CSMD1: variants seen among roughly 807,000 people sequenced by gnomAD.
CSMD1 encodes CUB and sushi domain-containing protein 1.
CSMD1 carries 213 observed loss-of-function variants against 417.5 expected under a neutral mutation model. The observed-to-expected ratio is 0.51, with a 90% CI of 0.46 to 0.57. The LOEUF is 0.57. CSMD1 is among the 20% of genes least tolerant of loss of function. The pLI, the probability that CSMD1 is intolerant of heterozygous loss-of-function variation, is 0.00. For missense variants in CSMD1, 6,923 were observed against 4,529.7 expected (o/e 1.53, Z -15.17); for synonymous variants, 2,862 against 1,736.8 (o/e 1.65, Z -16.11).
intron 3 of CSMD1, among the ~76,000 whole-genome samples, chr8:4,345,854 T>C (rs1800748920): frequency 6.6e-6 from 1 of 152,174 alleles, no homozygotes; most frequent in African/African-American, 2.4e-5. Flanking sequence ...TGGAGTGTTC[T>C]GAGGTTACAT....
chr8:4,521,778 C>T (rs1011745631), intron 2 of CSMD1, among the ~76,000 whole-genome samples: 1 of 152,098 alleles, frequency 6.6e-6, no homozygotes, highest in South Asian at 2.1e-4. Flanking sequence ...TCACTGGATA[C>T]TTAAGTGTGA....
chr8:3,323,166 G>T (rs563805084), intron 23 of CSMD1, among the ~76,000 whole-genome samples: 1 of 151,950 alleles, frequency 6.6e-6, no homozygotes, highest in South Asian at 2.1e-4. Flanking sequence ...ATGTCCAATG[G>T]GCAACTTCTA....
chr8:3,308,423 T>A lies in CSMD1; in HGVS notation c.3712A>T (p.Thr1238Ser). 1 of 1,613,790 alleles carries A rather than the reference T, an allele frequency of 6.2e-7. No individual in the cohort carries two copies. The highest frequency in any genetic ancestry group is 8.5e-7 in the Non-Finnish European group (1 of 1,179,782). Residue 1238 changes from threonine (T) to serine (S), a missense_variant, in exon 24 of 70, where the codon ACT (threonine) becomes TCT (serine). Coordinates refer to ENST00000635120, the MANE Select transcript of CSMD1 (RefSeq NM_033225.6). ...GGGTTGCAACTGTACAGAACTACAG[T>A]GTCGGTAAAGTGGCCTTCATCACGG... ...RIRDEGHFTD[T>S]VVLYSCNPGY...
chr8:4,229,388 C>G (rs1329911448), intron 3 of CSMD1, among the ~76,000 whole-genome samples: 1 of 152,222 alleles, frequency 6.6e-6, no homozygotes, highest in African/African-American at 2.4e-5. Flanking sequence ...CTAAGATTCT[C>G]TTAGATCACA....
chr8:3,507,835 C>T (rs186806756), intron 10 of CSMD1, among the ~76,000 whole-genome samples: 20 of 152,164 alleles, frequency 1.3e-4, no homozygotes, highest in Admixed American at 5.2e-4. Context: ...TATCCTTTGC[C>T]CACTTTTTGA....
At chr8:4,329,205 A>C (rs966958519) in intron 3 of CSMD1, among the ~76,000 whole-genome samples, 19 of 152,314 alleles carry the variant, frequency 1.2e-4, no homozygotes, top group African/African-American at 3.6e-4. Context: ...AGATGTTTCC[A>C]ATACAAATTA....
chr8:3,844,623 G>C (rs1803364988), intron 5 of CSMD1, among the ~76,000 whole-genome samples: 2 of 152,172 alleles, frequency 1.3e-5, no homozygotes, highest in Non-Finnish European at 2.9e-5. Flanking sequence ...CCCATCTGCA[G>C]ATGGAAGGAG....
intron 1 of CSMD1, among the ~76,000 whole-genome samples, chr8:4,771,895 C>T (rs1227704138): frequency 6.6e-6 from 1 of 152,162 alleles, no homozygotes; most frequent in African/African-American, 2.4e-5. Flanking sequence ...TGAAGGGAGC[C>T]TCCAGAATCT....
chr8:3,743,424 T>C (rs556685809), intron 6 of CSMD1, among the ~76,000 whole-genome samples: 3 of 152,338 alleles, frequency 2.0e-5, no homozygotes, highest in South Asian at 2.1e-4. Flanking sequence ...AGGATGGTGT[T>C]AGAAAATAAT....
chr8:4,910,339 A>C (rs1805578038), intron 1 of CSMD1, among the ~76,000 whole-genome samples: 1 of 152,200 alleles, frequency 6.6e-6, no homozygotes, highest in South Asian at 2.1e-4. Context: ...TTGATGATGT[A>C]TCTTAGTCAA....
intron 1 of CSMD1, chr8:4,788,606 T>C: frequency 2.9e-6 from 3 of 1,035,986 alleles, no homozygotes; most frequent in Non-Finnish European, 4.2e-6. Context: ...GCCATTGAAA[T>C]TTTTAGGGGA....
chr8:4,642,748 A>G (rs944953073), intron 1 of CSMD1, among the ~76,000 whole-genome samples: 2 of 152,216 alleles, frequency 1.3e-5, no homozygotes, highest in African/African-American at 4.8e-5. Context: ...GCTAGCTGTG[A>G]AAATAATTAC....
chr8:4,453,814 C>CTTTTTTTTTTTT lies in CSMD1; in HGVS notation c.303-33761_303-33750dup, dbSNP rs60422486. On this transcript the variant is annotated intron_variant, in intron 2 of 69. Coordinates refer to ENST00000635120, the MANE Select transcript of CSMD1 (RefSeq NM_033225.6). ...CCGAACAAGATTGCGCAATTCGTTT[C>CTTTTTTTTTTTT]TTTTTTTTTTTTTTTTTTTTTTTTT... 8.9e-5 allele frequency among the ~76,000 whole-genome samples: 6 copies of CTTTTTTTTTTTT among 67,726 alleles called. 1 individual carries two copies. The highest frequency in any genetic ancestry group is 2.5e-4 in the Admixed American group (1 of 4,032). 44.4% of individuals were successfully genotyped at this position (67,726 alleles called of 152,430 possible). A position where few individuals can be genotyped will look rare whatever the true frequency, so the allele number is the denominator to read the frequency against.
intron 26 of CSMD1, among the ~76,000 whole-genome samples, chr8:3,276,169 T>C (rs958811159): frequency 6.6e-6 from 1 of 152,206 alleles, no homozygotes; most frequent in African/African-American, 2.4e-5. Context: ...CAGATGCAGG[T>C]CTGTTGGAGT....
At chr8:4,340,952 A>T (rs898827098) in intron 3 of CSMD1, among the ~76,000 whole-genome samples, 4 of 152,062 alleles carry the variant, frequency 2.6e-5, no homozygotes, top group African/African-American at 4.8e-5. Context: ...TGTAGTCTGT[A>T]CTCTGCGGGT....
intron 5 of CSMD1, among the ~76,000 whole-genome samples, chr8:3,836,646 A>G (rs1283919135): frequency 6.6e-6 from 1 of 152,158 alleles, no homozygotes; most frequent in African/African-American, 2.4e-5. Flanking sequence ...TTACACATTC[A>G]CAACATGAGA....
chr8:4,510,921 C>CT (rs1802788752), intron 2 of CSMD1, among the ~76,000 whole-genome samples: 2 of 149,028 alleles, frequency 1.3e-5, no homozygotes, highest in African/African-American at 2.5e-5. Flanking sequence ...CCCTGTCCCT[C>CT]TCCTTCTCCG....
intron 8 of CSMD1, among the ~76,000 whole-genome samples, chr8:3,608,244 G>T (rs1249279455): frequency 6.6e-6 from 1 of 152,096 alleles, no homozygotes; most frequent in Admixed American, 6.5e-5. Context: ...ACCTGCAGAG[G>T]AGGTAGTGTC....
At chr8:3,761,069 T>C (rs143068888) in intron 5 of CSMD1, among the ~76,000 whole-genome samples, 1 of 152,210 alleles carries the variant, frequency 6.6e-6, no homozygotes, top group East Asian at 1.9e-4. Context: ...AAACAGAGAG[T>C]TCCTGACATG....
Sources: allele counts gnomAD v4.1 joint callset (sites outside exome capture counted in the v4.1 genomes callset), GRCh38; gene constraint gnomAD v4.1.1; transcripts MANE v1.5; gene names NCBI Gene and HGNC (gene_info 2026-07-23, HGNC 2026-07-21).